Variants in LAPTM4A observed in about 807,000 individuals in gnomAD.
The protein encoded by LAPTM4A is lysosomal-associated transmembrane protein 4A.
In LAPTM4A, 19 loss-of-function variants were observed where a neutral mutation model predicts 29.9. The ratio of observed to expected loss-of-function variants is 0.64; its 90% confidence interval spans 0.44 to 0.93. The LOEUF (loss-of-function observed/expected upper bound fraction) is 0.93. Among genes scored for constraint, LAPTM4A ranks in the 40% least tolerant of loss-of-function variants. LAPTM4A has a pLI of 0.00. For synonymous variants in LAPTM4A, 105 were observed against 102.1 expected (o/e 1.03, Z -0.17); for missense variants, 293 against 288.5 (o/e 1.02, Z -0.11).
intron 4 of LAPTM4A, among the ~76,000 whole-genome samples, chr2:20,036,174 G>GT (rs1220679519): frequency 4.0e-5 from 4 of 98,976 alleles, no homozygotes; most frequent in African/African-American, 1.2e-4. Context: ...GCCGCTGACC[G>GT]TGGCTGACCA....
chr2:20,046,566 C>T (rs1673923685), intron 1 of LAPTM4A, among the ~76,000 whole-genome samples: 1 of 151,446 alleles, frequency 6.6e-6, no homozygotes, highest in African/African-American at 2.4e-5. Flanking sequence ...AGGCTCACTG[C>T]AACCTCTGCC....
chr2:20,038,020 A>G (rs1236964481), intron 2 of LAPTM4A, among the ~76,000 whole-genome samples: 1 of 152,220 alleles, frequency 6.6e-6, no homozygotes, highest in Non-Finnish European at 1.5e-5. Flanking sequence ...ATCAGGAAAA[A>G]ATATGAAGAA....
chr2:20,043,900 G>T (rs184097628), intron 1 of LAPTM4A, among the ~76,000 whole-genome samples: 109 of 152,324 alleles, frequency 7.2e-4, no homozygotes, highest in Middle Eastern at 3.4e-3. Context: ...CACAAGTCTG[G>T]TTTTTAAGAC....
At position 20,033,242 on chromosome 2, in the gene LAPTM4A, G is replaced by C. The variant is rs1286706769; in HGVS notation, c.665C>G (p.Pro222Arg). The C allele has an allele frequency of 1.9e-6, 3 of 1,613,942 alleles. No individual in the cohort carries two copies. The African/African-American group carries it at 4.0e-5, about 22-fold the overall frequency. Residue 222 changes from proline (P) to arginine (R), a missense_variant, in exon 7 of 7, where the codon CCT becomes CGT. Physicochemically the swap from Pro to Arg is moderately radical, Grantham distance 103. Coordinates refer to ENST00000175091, the MANE Select transcript of LAPTM4A (RefSeq NM_014713.5). Reference protein sequence around the residue: ...LPTYEMAVKMPEKEPPPPYLP... With the variant: ...LPTYEMAVKMREKEPPPPYLP... ...GTAAGGAGGTGGTGGTTCTTTTTCA[G>C]GCATTTTCACGGCCATTTCATAGGT...
At chr2:20,041,827 C>T (rs573975960) in intron 1 of LAPTM4A, among the ~76,000 whole-genome samples, 28 of 152,330 alleles carry the variant, frequency 1.8e-4, no homozygotes, top group African/African-American at 6.0e-4. Context: ...TGAGCCACCA[C>T]GCCCGGCCTT....
At chr2:20,046,350 T>A (rs564343008) in intron 1 of LAPTM4A, among the ~76,000 whole-genome samples, 25 of 147,604 alleles carry the variant, frequency 1.7e-4, no homozygotes, top group South Asian at 6.4e-4. Flanking sequence ...CAGTATAATT[T>A]AAAAAAAAAA....
chr2:20,033,085 C>T lies in LAPTM4A; in HGVS notation c.*120G>A. The T allele has an allele frequency of 2.4e-6, 2 of 826,140 alleles. No individual in the cohort carries two copies. Among genetic ancestry groups the T allele is most frequent in the Non-Finnish European group, 4.0e-6 (2 of 498,906 alleles). 51.2% of individuals were successfully genotyped at this position (826,140 alleles called of 1,614,324 possible). On this transcript the variant is annotated 3_prime_UTR_variant, in exon 7 of 7. Coordinates refer to ENST00000175091, the MANE Select transcript of LAPTM4A (RefSeq NM_014713.5). ...GCTCCTTAGTGTTTGAAAATAAATG[C>T]TTAAACAAAAGACAACATATTTTAT...
chr2:20,046,609 T>TC (rs1385063849), intron 1 of LAPTM4A, among the ~76,000 whole-genome samples: 1 of 150,980 alleles, frequency 6.6e-6, no homozygotes, highest in African/African-American at 2.4e-5. Flanking sequence ...CACTTCAGCC[T>TC]CCCCTGTAGC....
intron 1 of LAPTM4A, among the ~76,000 whole-genome samples, chr2:20,044,482 A>G (rs918213578): frequency 3.9e-5 from 6 of 152,234 alleles, no homozygotes; most frequent in African/African-American, 1.4e-4. Context: ...TATTACATGA[A>G]GGATTTCTAA....
At chr2:20,043,668 G>A (rs1205150766) in intron 1 of LAPTM4A, among the ~76,000 whole-genome samples, 2 of 152,318 alleles carry the variant, frequency 1.3e-5, no homozygotes, top group Non-Finnish European at 2.9e-5. Flanking sequence ...TTTAGGGTAG[G>A]TGATCTAAAC....
chr2:20,041,013 T>A lies in LAPTM4A; in HGVS notation c.112-2A>T, dbSNP rs112589679. 1 of 1,613,666 alleles carries A rather than the reference T, an allele frequency of 6.2e-7. No homozygotes were observed. Among genetic ancestry groups the A allele is most frequent in the Non-Finnish European group, 8.5e-7 (1 of 1,179,662 alleles). ...AATTGCCATCAATAGGTTTACTACC[T>A]GGAAAAGATAACATTCTATCAGTTA... On this transcript the variant is annotated splice_acceptor_variant, in intron 1 of 6. Transcript: ENST00000175091. LOFTEE classifies it high-confidence loss of function.
chr2:20,035,228 T>C lies in LAPTM4A; in HGVS notation c.433-166A>G, dbSNP rs1673655637. 3 of 606,586 alleles carry C rather than the reference T, an allele frequency of 4.9e-6. No homozygotes were observed. The Admixed American group carries it at 8.2e-5, about 17-fold the overall frequency. 37.6% of individuals were successfully genotyped at this position (606,586 alleles called of 1,614,324 possible). On this transcript the variant is annotated intron_variant, in intron 4 of 6. Coordinates refer to ENST00000175091, the MANE Select transcript of LAPTM4A (RefSeq NM_014713.5). Reference sequence around the variant, plus strand: ...AAGTGCTTTTAAATTTTAAGCCTTATCACCATTAATGCATGCTAACAATCA... The same window carrying C: ...AAGTGCTTTTAAATTTTAAGCCTTACCACCATTAATGCATGCTAACAATCA...
intron 1 of LAPTM4A, among the ~76,000 whole-genome samples, chr2:20,044,528 C>T (rs1673869417): frequency 6.6e-6 from 1 of 152,158 alleles, no homozygotes; most frequent in African/African-American, 2.4e-5. Context: ...ACTTGGGAGG[C>T]TGAGGTGGGA....
At chr2:20,051,214 C>G (rs983483419) in intron 1 of LAPTM4A, among the ~76,000 whole-genome samples, 196 bp downstream of exon 1, 1 of 152,138 alleles carries the variant, frequency 6.6e-6, no homozygotes, top group Non-Finnish European at 1.5e-5. Flanking sequence ...CCGCCCCCCG[C>G]TCCCCCGACT....
rs559470100 is a variant in LAPTM4A at position 20,033,721 on chromosome 2, T to C, written c.628-442A>G. Among the ~76,000 whole-genome samples, 164 of 152,330 alleles carry C rather than the reference T, an allele frequency of 1.1e-3. 1 individual carries two copies. The highest frequency in any genetic ancestry group is 3.8e-3 in the African/African-American group (158 of 41,580). The stretch of plus-strand genomic sequence containing the variant: ...TTGTAGTCAGAAGATCATGAACTTA[T>C]ATCATGTCTTCGAGGGTAACAGGCA... On this transcript the variant is annotated intron_variant, in intron 6 of 6. Transcript: ENST00000175091.
In LAPTM4A at chr2:20,051,115, C is replaced by A. The variant is rs117404756; in HGVS notation, c.111+295G>T. On this transcript the variant is annotated intron_variant, in intron 1 of 6. Transcript: ENST00000175091. ...GGAATTCCCACCAAATCCTACCACC[C>A]TCGTCCCTTCGCCTGCAAAGCCTCT... 1.3e-3 allele frequency among the ~76,000 whole-genome samples: 202 copies of A among 152,326 alleles called. 2 individuals carry two copies. The East Asian group carries it at 0.032, about 24-fold the overall frequency.
chr2:20,048,957 T>C (rs1279270957), intron 1 of LAPTM4A, among the ~76,000 whole-genome samples: 1 of 152,220 alleles, frequency 6.6e-6, no homozygotes, highest in Non-Finnish European at 1.5e-5. Context: ...TGCTATGGTA[T>C]TCAAGCTACT....
chr2:20,037,402 G>T lies in LAPTM4A; in HGVS notation c.346C>A (p.Arg116=). The change falls in exon 4 of 7, where the codon CGA becomes AGA. Residue 116 remains arginine (R), a synonymous_variant. Coordinates refer to ENST00000175091, the MANE Select transcript of LAPTM4A (RefSeq NM_014713.5). ...CAACTGAGGACGAAGTCAAAAAGTC[G>T]GTAACAGAAGAATGGAATCAGCCAA... ...VGWLIPFFCY[R]LFDFVLSCLV... 1 of 1,612,090 alleles carries T rather than the reference G, an allele frequency of 6.2e-7. No homozygotes were observed. Among genetic ancestry groups the T allele is most frequent in the South Asian group, 1.1e-5 (1 of 90,782 alleles).
intron 1 of LAPTM4A, among the ~76,000 whole-genome samples, chr2:20,045,738 ATTCTTTGTTTTC>A (rs1301845230): frequency 6.6e-6 from 1 of 152,202 alleles, no homozygotes; most frequent in African/African-American, 2.4e-5. Context: ...GAAGAGAGGA[ATTCTTTGTTTTC>A]TTCTTTCACT....
Sources: allele counts gnomAD v4.1 joint callset (sites outside exome capture counted in the v4.1 genomes callset), GRCh38; gene constraint gnomAD v4.1.1; transcripts MANE v1.5; gene names NCBI Gene and HGNC (gene_info 2026-07-23, HGNC 2026-07-21).